STARD13: variants seen among roughly 807,000 people sequenced by gnomAD.
The protein encoded by STARD13 is StAR related lipid transfer domain containing 13, also known as stAR-related lipid transfer protein 13.
A neutral mutation model predicts 106.4 loss-of-function variants in STARD13; 62 were observed. That is an observed-to-expected ratio of 0.58 (90% confidence interval 0.48 to 0.72). The LOEUF is 0.72. STARD13 is among the 30% of genes least tolerant of loss of function. The pLI is 0.00. For synonymous variants in STARD13, 565 were observed against 553.0 expected, an observed-to-expected ratio of 1.02 and a Z score of -0.31; for missense variants, 1,387 against 1,424.0, an observed-to-expected ratio of 0.97 and a Z score of 0.42.
chr13:33,551,864 C>G, the STARD13 span, among the ~76,000 whole-genome samples: 2 of 151,870 alleles, frequency 1.3e-5, no homozygotes, highest in Admixed American at 6.6e-5. Context: ...TCCCAAAGTG[C>G]TGGGATTATA....
chr13:33,632,249 T>C, the STARD13 span, among the ~76,000 whole-genome samples: 14 of 152,302 alleles, frequency 9.2e-5, no homozygotes, highest in Admixed American at 7.8e-4. Context: ...TCCTGAGCCA[T>C]TCCTCTTGCT....
chr13:33,236,025 A>G (rs1889171241), intron 1 of STARD13, among the ~76,000 whole-genome samples: 1 of 152,188 alleles, frequency 6.6e-6, no homozygotes, highest in Non-Finnish European at 1.5e-5. Context: ...TACATAATGC[A>G]TATATCTTGC....
the STARD13 span, among the ~76,000 whole-genome samples, chr13:33,658,757 T>G: frequency 2.6e-5 from 4 of 152,072 alleles, no homozygotes; most frequent in African/African-American, 9.6e-5. Context: ...AGCTCCCAGG[T>G]AGTTTCAGGA....
chr13:33,402,345 G>A, the STARD13 span, among the ~76,000 whole-genome samples: 1 of 152,222 alleles, frequency 6.6e-6, no homozygotes, highest in African/African-American at 2.4e-5. Context: ...ATTAGGGTTA[G>A]AGCACAGCAT....
rs1284265244 is a variant in STARD13, at chr13:33,300,467, C to T, written c.124+49823G>A. Among the ~76,000 whole-genome samples the T allele has an allele frequency of 2.6e-5, 4 of 152,142 alleles. No individual in the cohort carries two copies. In the East Asian group the frequency reaches 7.7e-4, roughly 29 times the overall value. ...CTAAGAGTTTATGAGTCTGTGAAAT[C>T]GCCAACTTCGTATGAATTAAAAGGG... On this transcript the variant is annotated intron_variant, in intron 1 of 5. Transcript: ENST00000567873.
At chr13:33,655,740 A>G in the STARD13 span, among the ~76,000 whole-genome samples, 1 of 152,222 alleles carries the variant, frequency 6.6e-6, no homozygotes, top group South Asian at 2.1e-4. Flanking sequence ...AAATGCATCG[A>G]TGAATGAATT....
chr13:33,599,378 C>A, the STARD13 span, among the ~76,000 whole-genome samples: 1 of 152,176 alleles, frequency 6.6e-6, no homozygotes, highest in African/African-American at 2.4e-5. Context: ...CTCAGTAACA[C>A]CATAACAACA....
the STARD13 span, among the ~76,000 whole-genome samples, chr13:33,533,735 T>C: frequency 6.6e-6 from 1 of 152,148 alleles, no homozygotes; most frequent in Non-Finnish European, 1.5e-5. Context: ...TTGATGTCAA[T>C]AAAACTTTCA....
chr13:33,209,288 C>T (rs1346449442), intron 1 of STARD13, among the ~76,000 whole-genome samples: 1 of 152,174 alleles, frequency 6.6e-6, no homozygotes, highest in Non-Finnish European at 1.5e-5. Context: ...CCTCATCCAG[C>T]CTTGATCAAT....
In STARD13 at chr13:33,334,605, G is replaced by A. The variant is rs557603732; in HGVS notation, c.124+15685C>T. Among the ~76,000 whole-genome samples the A allele has an allele frequency of 8.5e-5, 13 of 152,242 alleles. No individual in the cohort carries two copies. The South Asian group carries it at 2.5e-3, about 29-fold the overall frequency. ...GGAGAGACCCTCAAGAGGTGGGAGTGGGCATCACTAGAATGGAATTGGCAA... is the reference window on the plus strand; with the variant it reads ...GGAGAGACCCTCAAGAGGTGGGAGTAGGCATCACTAGAATGGAATTGGCAA... On this transcript the variant is annotated intron_variant, in intron 1 of 5. Coordinates refer to the STARD13 transcript ENST00000567873.
At chr13:33,219,680 C>G (rs1284365336) in intron 1 of STARD13, among the ~76,000 whole-genome samples, 4 of 151,344 alleles carry the variant, frequency 2.6e-5, no homozygotes, top group Non-Finnish European at 4.4e-5. Context: ...TGGTGCATGC[C>G]TGTAGTCCTA....
At chr13:33,127,276 G>T in intron 6 of STARD13, 97 bp downstream of exon 6, 2 of 1,348,286 alleles carry the variant, frequency 1.5e-6, no homozygotes, top group Non-Finnish European at 2.0e-6. Context: ...GCAATGAATG[G>T]GTTTTTCAGA....
the STARD13 span, among the ~76,000 whole-genome samples, chr13:33,467,475 G>T: frequency 2.6e-5 from 4 of 152,152 alleles, no homozygotes; most frequent in Admixed American, 6.5e-5. Flanking sequence ...TTCCTGCTGT[G>T]TGATGCAGTT....
chr13:33,358,835 C>G, the STARD13 span, among the ~76,000 whole-genome samples: 4 of 152,102 alleles, frequency 2.6e-5, no homozygotes, highest in Non-Finnish European at 1.5e-5. Flanking sequence ...TTTGTAAATA[C>G]ACCAATCAGC....
intron 1 of STARD13, among the ~76,000 whole-genome samples, chr13:33,183,483 G>A (rs1386199258): frequency 6.6e-6 from 1 of 152,230 alleles, no homozygotes; most frequent in African/African-American, 2.4e-5. Context: ...TTGGTCTGAT[G>A]TAAAGAGGCT....
At chr13:33,600,715 C>A in the STARD13 span, among the ~76,000 whole-genome samples, 7 of 152,152 alleles carry the variant, frequency 4.6e-5, no homozygotes, top group African/African-American at 1.7e-4. Context: ...GCTGTCAATA[C>A]CTTAATAAAA....
At chr13:33,594,574 T>G in the STARD13 span, among the ~76,000 whole-genome samples, 2 of 152,258 alleles carry the variant, frequency 1.3e-5, no homozygotes, top group Non-Finnish European at 2.9e-5. Context: ...TTCAGTGGCA[T>G]TAAGTTCATT....
intron 1 of STARD13, among the ~76,000 whole-genome samples, chr13:33,299,802 A>T (rs1892641769): frequency 6.6e-6 from 1 of 152,202 alleles, no homozygotes; most frequent in Non-Finnish European, 1.5e-5. Context: ...GGTGCTTGGA[A>T]TGCATCAATG....
chr13:33,603,735 A>T, the STARD13 span, among the ~76,000 whole-genome samples: 1 of 152,190 alleles, frequency 6.6e-6, no homozygotes, highest in African/African-American at 2.4e-5. Flanking sequence ...TTGAAAAAAA[A>T]ATTTTAAAAA....
Sources: gnomAD v4.1 joint callset for allele counts (sites outside exome capture counted in the v4.1 genomes callset) on GRCh38, gnomAD v4.1.1 for gene constraint, MANE v1.5 for transcripts, NCBI Gene and HGNC (gene_info 2026-07-23, HGNC 2026-07-21) for gene names.